Variants in FAM168A observed in about 807,000 individuals in gnomAD.
The protein encoded by FAM168A is protein FAM168A.
In FAM168A, 3 loss-of-function variants were observed where a neutral mutation model predicts 28.5. The ratio of observed to expected loss-of-function variants is 0.11; its 90% CI spans 0.05 to 0.27. The LOEUF is 0.27. FAM168A is among the 10% of genes least tolerant of loss of function. The probability of loss-of-function intolerance (pLI) is 1.00; values close to 1 mark genes in which losing one functional copy is unlikely to be tolerated. For synonymous variants in FAM168A, 122 were observed against 124.2 expected (o/e 0.98, Z 0.12); for missense variants, 222 against 311.5 (o/e 0.71, Z 2.16).
intron 1 of FAM168A, among the ~76,000 whole-genome samples, chr11:73,584,573 A>G (rs949108232): frequency 1.3e-5 from 2 of 148,394 alleles, no homozygotes; most frequent in African/African-American, 5.0e-5. Context: ...TCCCGGGTTC[A>G]CGCCATTCTC....
chr11:73,431,300 C>A (rs1431389297), intron 2 of FAM168A, among the ~76,000 whole-genome samples: 2 of 152,142 alleles, frequency 1.3e-5, no homozygotes, highest in African/African-American at 2.4e-5. Context: ...TGAGATCATG[C>A]CGCTGCACTC....
At chr11:73,559,183 G>A (rs1943925216) in intron 1 of FAM168A, among the ~76,000 whole-genome samples, 1 of 152,156 alleles carries the variant, frequency 6.6e-6, no homozygotes, top group South Asian at 2.1e-4. Flanking sequence ...CGAGGCAGGT[G>A]GATCACCTGA....
intron 1 of FAM168A, among the ~76,000 whole-genome samples, chr11:73,500,089 C>T (rs1249595531): frequency 6.6e-6 from 1 of 151,962 alleles, no homozygotes; most frequent in Non-Finnish European, 1.5e-5. Context: ...TCCAAGGTCA[C>T]AATGAAGGAA....
At chr11:73,579,975 A>T (rs1240034625) in intron 1 of FAM168A, among the ~76,000 whole-genome samples, 1 of 152,202 alleles carries the variant, frequency 6.6e-6, no homozygotes, top group Non-Finnish European at 1.5e-5. Context: ...AGTTTCATGG[A>T]TCTGAACTTT....
intron 1 of FAM168A, among the ~76,000 whole-genome samples, chr11:73,477,950 T>C (rs1232091144): frequency 2.6e-5 from 4 of 151,282 alleles, no homozygotes; most frequent in African/African-American, 7.4e-5. Flanking sequence ...GATAGATAGA[T>C]AGATAGATAG....
chr11:73,476,688 A>C (rs985706755), intron 1 of FAM168A, among the ~76,000 whole-genome samples: 2 of 152,196 alleles, frequency 1.3e-5, no homozygotes, highest in African/African-American at 4.8e-5. Context: ...TTAAAAAAAA[A>C]CTAAAGAAAA....
chr11:73,467,599 T>C (rs1867755018), intron 2 of FAM168A, among the ~76,000 whole-genome samples: 1 of 152,236 alleles, frequency 6.6e-6, no homozygotes, highest in South Asian at 2.1e-4. Context: ...GTTCTCTTCC[T>C]TCTCTAGTTT....
intron 1 of FAM168A, among the ~76,000 whole-genome samples, chr11:73,487,880 C>T (rs960596103): frequency 1.3e-5 from 2 of 152,138 alleles, no homozygotes; most frequent in African/African-American, 4.8e-5. Context: ...CATCACCCTC[C>T]TCGTACCCTC....
At chr11:73,484,618 CTATA>C (rs1220474907) in intron 1 of FAM168A, among the ~76,000 whole-genome samples, 6 of 140,466 alleles carry the variant, frequency 4.3e-5, no homozygotes, top group East Asian at 2.0e-4. Flanking sequence ...CGATATATAT[CTATA>C]TATAGATATC....
intron 4 of FAM168A, among the ~76,000 whole-genome samples, chr11:73,415,168 A>G (rs1443019370): frequency 6.6e-6 from 1 of 152,258 alleles, no homozygotes; most frequent in African/African-American, 2.4e-5. Flanking sequence ...TACTCAGAAT[A>G]CAAATCAGTA....
chr11:73,544,878 TTA>T (rs1187635442), intron 1 of FAM168A, among the ~76,000 whole-genome samples: 4 of 96,910 alleles, frequency 4.1e-5, no homozygotes, highest in Non-Finnish European at 7.4e-5. Flanking sequence ...ATTATATATA[TTA>T]TATATAAAAT....
intron 2 of FAM168A, among the ~76,000 whole-genome samples, chr11:73,434,047 T>C (rs183092843): frequency 7.2e-5 from 11 of 152,256 alleles, no homozygotes; most frequent in African/African-American, 2.2e-4. Flanking sequence ...GGTTTCACCA[T>C]GTTGGCCAGG....
intron 2 of FAM168A, among the ~76,000 whole-genome samples, chr11:73,462,938 AG>A (rs1444623480): frequency 1.3e-5 from 2 of 151,862 alleles, no homozygotes; most frequent in Non-Finnish European, 2.9e-5. Context: ...AAAAGAGAAG[AG>A]AAGAGGTTAA....
At chr11:73,480,620 A>G (rs377521853) in intron 1 of FAM168A, among the ~76,000 whole-genome samples, 1 of 152,184 alleles carries the variant, frequency 6.6e-6, no homozygotes, top group East Asian at 1.9e-4. Context: ...TCTTGGTAGA[A>G]GGGTCAAGAA....
chr11:73,586,864 AAAGT>A (rs1415151323), intron 1 of FAM168A, among the ~76,000 whole-genome samples: 1 of 152,214 alleles, frequency 6.6e-6, no homozygotes, highest in Non-Finnish European at 1.5e-5. Context: ...AAAGTGGAGA[AAAGT>A]AAGCACCAAG....
At chr11:73,506,310 T>C (rs1322559628) in intron 1 of FAM168A, among the ~76,000 whole-genome samples, 1 of 151,924 alleles carries the variant, frequency 6.6e-6, no homozygotes, top group Non-Finnish European at 1.5e-5. Context: ...AATCTAACCT[T>C]GGTATACAAG....
rs771224666 is a variant in FAM168A, at chr11:73,411,494, C to T, written c.320G>A (p.Ser107Asn). Residue 107 changes from serine to asparagine, a missense_variant, in exon 5 of 8, where the codon AGT becomes AAT. Ser to Asn is a conservative substitution (Grantham distance 46). Around this residue, in one of 3 missense-constraint regions of FAM168A, gnomAD observed 153 missense variants for 189.2 expected, o/e 0.81. Coordinates refer to ENST00000356467, the MANE Select transcript of FAM168A (RefSeq NM_015159.3). Reference sequence around the variant, plus strand: ...GGAGTAGGGGGGTGGAGCAGTGTTACTCTGGGTCGGTGGGACCTTGTATGG... The same window carrying T: ...GGAGTAGGGGGGTGGAGCAGTGTTATTCTGGGTCGGTGGGACCTTGTATGG... ...GTPYKVPPTQ[S>N]NTAPPPYSPS... 1.2e-6 allele frequency: 2 copies of T among 1,613,872 alleles called. No individual in the cohort carries two copies. The highest frequency in any genetic ancestry group is 2.2e-5 in the East Asian group (1 of 44,898).
intron 4 of FAM168A, among the ~76,000 whole-genome samples, chr11:73,413,184 A>G (rs1866643002): frequency 6.6e-6 from 1 of 150,606 alleles, no homozygotes; most frequent in Non-Finnish European, 1.5e-5. Context: ...CTGATGACTC[A>G]GGAGGATAGG....
At chr11:73,512,865 T>A (rs1221891740) in intron 1 of FAM168A, among the ~76,000 whole-genome samples, 1 of 152,190 alleles carries the variant, frequency 6.6e-6, no homozygotes. Flanking sequence ...TTCAATAATA[T>A]TTAGTTGAAT....
Sources: gnomAD v4.1 joint callset for allele counts (sites outside exome capture counted in the v4.1 genomes callset) on GRCh38, gnomAD v4.1.1 for gene constraint, gnomAD v4.1.1 regional missense constraint, MANE v1.5 for transcripts, NCBI Gene and HGNC (gene_info 2026-07-23, HGNC 2026-07-21) for gene names.